Variants in FARP1 observed in about 807,000 individuals in gnomAD.
FARP1 encodes FERM, ARHGEF and pleckstrin domain-containing protein 1.
In FARP1, 52 loss-of-function variants were observed where a neutral mutation model predicts 128.8. The ratio of observed to expected loss-of-function variants is 0.40; its 90% CI spans 0.32 to 0.51. The LOEUF is 0.51. Ranked by LOEUF, FARP1 falls within the 20% of genes least tolerant of loss-of-function variation. The probability of loss-of-function intolerance (pLI) is 0.45; values close to 1 mark genes in which losing one functional copy is unlikely to be tolerated. For synonymous variants in FARP1, 580 were observed against 551.8 expected, an observed-to-expected ratio of 1.05 and a Z score of -0.72; for missense variants, 1,333 against 1,367.9, an observed-to-expected ratio of 0.97 and a Z score of 0.40.
intron 2 of FARP1, among the ~76,000 whole-genome samples, chr13:98,305,104 GTA>G (rs4001088): frequency 1.6e-4 from 7 of 42,606 alleles, no homozygotes; most frequent in African/African-American, 3.7e-4. Context: ...ATTTAAATGT[GTA>G]TATATATATA....
intron 18 of FARP1, chr13:98,433,405 A>G (rs1339169742): frequency 2.0e-5 from 3 of 152,200 alleles, no homozygotes; most frequent in Non-Finnish European, 2.9e-5. Context: ...GCCTCCTGAC[A>G]TGGTTTGTCA....
intron 1 of FARP1, among the ~76,000 whole-genome samples, chr13:98,194,846 T>C (rs17190482): frequency 0.24 from 36,575 of 152,156 alleles, 4,720 homozygotes; most frequent in Middle Eastern, 0.36. Context: ...CTAGTGTATG[T>C]AACCATCAGT....
intron 2 of FARP1, among the ~76,000 whole-genome samples, chr13:98,272,866 G>A (rs1377858396): frequency 1.3e-5 from 2 of 152,170 alleles, no homozygotes; most frequent in African/African-American, 4.8e-5. Context: ...ACTCTTAATG[G>A]GCACCCAAAA....
intron 2 of FARP1, among the ~76,000 whole-genome samples, chr13:98,306,345 T>C (rs1255671840): frequency 6.6e-6 from 1 of 152,192 alleles, no homozygotes; most frequent in African/African-American, 2.4e-5. Flanking sequence ...GGACTAGCAG[T>C]GACTCAGCTT....
At chr13:98,438,963 G>A in intron 20 of FARP1, 91 bp downstream of exon 20, 1 of 1,470,226 alleles carries the variant, frequency 6.8e-7, no homozygotes. Flanking sequence ...CCAAGTGAGG[G>A]ACCTGGGGTA....
At position 98,207,972 on chromosome 13, in the gene FARP1, T is replaced by G. The variant is rs1880393257; in HGVS notation, c.-23-5248T>G. 8.5e-5 allele frequency among the ~76,000 whole-genome samples: 5 copies of G among 58,658 alleles called. No homozygotes were observed. In the South Asian group the frequency reaches 3.4e-3, roughly 40 times the overall value. The allele number at this position is 58,658 out of a possible 152,430, so 38.5% of individuals were successfully genotyped here. ...CACACACACACACACACACACACTT[T>G]GATTCATTGGCCCAGTATTGAGGAT... On this transcript the variant is annotated intron_variant, in intron 1 of 26. Coordinates refer to ENST00000319562, the MANE Select transcript of FARP1 (RefSeq NM_005766.4).
In FARP1 at chr13:98,431,228, G is replaced by A. The variant is rs1003151311; in HGVS notation, c.2091G>A (p.Glu697=). The change falls in exon 18 of 27, where the codon GAG becomes GAA. Residue 697 remains glutamate, a synonymous_variant. Transcript: ENST00000319562. ...HRLMHYKQVL[E]RLCKHHPPSH... ...TCATGCACTACAAGCAGGTCCTGGA[G>A]CGGCTGTGCAAACACCACCCGCCGA... The A allele has an allele frequency of 8.2e-6, 13 of 1,590,796 alleles. No homozygotes were observed. The highest frequency in any genetic ancestry group is 1.1e-5 in the South Asian group (1 of 88,508).
Position 98,300,424 on chromosome 13 carries a change from C to G in FARP1, c.172-43338C>G, listed in dbSNP as rs532933631. ...CTAACCGGCAGTGAAGAGAGCTGGG[C>G]AGATGCTTTGGGAGCCCTCTTGGTT... On this transcript the variant is annotated intron_variant, in intron 2 of 26. Transcript: ENST00000319562. Among the ~76,000 whole-genome samples, 5 of 152,318 alleles carry G rather than the reference C, an allele frequency of 3.3e-5. No homozygotes were observed. In the South Asian group the frequency reaches 8.3e-4, roughly 25 times the overall value.
chr13:98,408,372 G>C (rs1358961263), intron 13 of FARP1, among the ~76,000 whole-genome samples: 19 of 128,622 alleles, frequency 1.5e-4, no homozygotes, highest in Non-Finnish European at 2.6e-4. Context: ...TTGTCGCCCA[G>C]GCTGGAGTGC....
chr13:98,276,739 A>G (rs764407613), intron 2 of FARP1, among the ~76,000 whole-genome samples: 6 of 152,200 alleles, frequency 3.9e-5, no homozygotes, highest in Non-Finnish European at 7.3e-5. Flanking sequence ...GAATAAATGA[A>G]CCATAATATA....
At position 98,451,059 on chromosome 13, in the gene FARP1, T is replaced by G. The variant is rs1355543500; in HGVS notation, c.*2742T>G. The G allele has an allele frequency of 6.6e-6, 1 of 152,196 alleles. No individual in the cohort carries two copies. Among genetic ancestry groups the G allele is most frequent in the African/African-American group, 2.4e-5 (1 of 41,436 alleles). 9.4% of individuals were successfully genotyped at this position (152,196 alleles called of 1,614,324 possible). A position where few individuals can be genotyped will look rare whatever the true frequency, so the allele number is the denominator to read the frequency against. ...AGAGACTCCCCGTTCATACCAGTAT[T>G]CATTAGAACCCAGTCCCTCGAGCGG... On this transcript the variant is annotated 3_prime_UTR_variant, in exon 27 of 27. Coordinates refer to ENST00000319562, the MANE Select transcript of FARP1 (RefSeq NM_005766.4).
intron 1 of FARP1, among the ~76,000 whole-genome samples, chr13:98,210,721 C>T (rs897199842): frequency 7.9e-5 from 12 of 151,736 alleles, no homozygotes; most frequent in Admixed American, 2.6e-4. Flanking sequence ...GGCTAATTTT[C>T]TGTATTTTTA....
chr13:98,273,735 T>C (rs185013714), intron 2 of FARP1, among the ~76,000 whole-genome samples: 1 of 152,180 alleles, frequency 6.6e-6, no homozygotes, highest in Non-Finnish European at 1.5e-5. Context: ...CAAATGCTAT[T>C]TTGTGTGTAG....
At chr13:98,336,263 G>T (rs940807087) in intron 2 of FARP1, among the ~76,000 whole-genome samples, 1 of 152,128 alleles carries the variant, frequency 6.6e-6, no homozygotes, top group African/African-American at 2.4e-5. Context: ...TTGTTTGTTT[G>T]TTTTGAGACA....
rs375888470 is a variant in FARP1, at chr13:98,240,047, G to A, written c.171+26634G>A. ...AAGGAGGGAAGGAGGCAGGAGGGGAGGTGGCTTTAGCTCCCTTTCCTTTAG... is the reference window on the plus strand; with the variant it reads ...AAGGAGGGAAGGAGGCAGGAGGGGAAGTGGCTTTAGCTCCCTTTCCTTTAG... On this transcript the variant is annotated intron_variant, in intron 2 of 26. Transcript: ENST00000319562. Among the ~76,000 whole-genome samples the A allele has an allele frequency of 3.3e-5, 5 of 152,270 alleles. No individual in the cohort carries two copies. In the East Asian group the frequency reaches 5.8e-4, roughly 18 times the overall value.
At chr13:98,170,984 C>T in intron 1 of FARP1, among the ~76,000 whole-genome samples, 1 of 152,140 alleles carries the variant, frequency 6.6e-6, no homozygotes, top group Non-Finnish European at 1.5e-5. Flanking sequence ...AGCAACTGGT[C>T]ATTTTTGTCA....
rs768455269 is a variant in FARP1 at position 98,440,806 on chromosome 13, C to T, written c.2766C>T (p.Val922=). 10 of 1,611,590 alleles carry T rather than the reference C, an allele frequency of 6.2e-6. No individual in the cohort carries two copies. The East Asian group carries it at 2.0e-4, about 32-fold the overall frequency. Reference sequence around the variant, plus strand: ...TGTGCTGGCACCGCAACACCAGCGTCTCCATGGTGGACTTCAGCATCGCAG... The same window carrying T: ...TGTGCTGGCACCGCAACACCAGCGTTTCCATGGTGGACTTCAGCATCGCAG... The part of the protein sequence containing the change: ...VHVCWHRNTS[V]SMVDFSIAVE... The change falls in exon 24 of 27, where the codon GTC becomes GTT. Residue 922 remains valine, a synonymous_variant. Coordinates refer to ENST00000319562, the MANE Select transcript of FARP1 (RefSeq NM_005766.4).
intron 12 of FARP1, among the ~76,000 whole-genome samples, chr13:98,394,911 T>A (rs777201081): frequency 2.0e-5 from 3 of 151,962 alleles, no homozygotes; most frequent in African/African-American, 7.3e-5. Flanking sequence ...GGTGACAGAG[T>A]AAGATCCTGT....
intron 3 of FARP1, among the ~76,000 whole-genome samples, chr13:98,356,775 T>C (rs1235688585): frequency 1.3e-5 from 2 of 151,752 alleles, no homozygotes; most frequent in African/African-American, 4.8e-5. Flanking sequence ...ACTGGGACTA[T>C]AGGTGCCCGC....
Sources: allele counts gnomAD v4.1 joint callset (sites outside exome capture counted in the v4.1 genomes callset), GRCh38; gene constraint gnomAD v4.1.1; transcripts MANE v1.5; gene names NCBI Gene and HGNC (gene_info 2026-07-23, HGNC 2026-07-21).